NEGR1: variants seen among roughly 807,000 people sequenced by gnomAD.
NEGR1 encodes IgLON family member 4.
A neutral mutation model predicts 40.9 loss-of-function variants in NEGR1; 10 were observed. The observed-to-expected ratio is 0.24, with a 90% CI of 0.15 to 0.42. The LOEUF is 0.42. NEGR1 is among the 10% of genes least tolerant of loss of function. The pLI, the probability that NEGR1 is intolerant of heterozygous loss-of-function variation, is 1.00. For missense variants in NEGR1, 352 were observed against 438.9 expected, an observed-to-expected ratio of 0.80 and a Z score of 1.77; for synonymous variants, 185 against 166.8, an observed-to-expected ratio of 1.11 and a Z score of -0.84.
Position 71,542,557 on chromosome 1 carries a change from GC to G in NEGR1, c.940+50259del, listed in dbSNP as rs374298923. ...CCTCCTATTGAGAAGGAAAATGAGG[GC>G]CCAGCAGATACAGTGATATGCCCAA... On this transcript the variant is annotated intron_variant, in intron 6 of 6. Coordinates refer to ENST00000357731, the MANE Select transcript of NEGR1 (RefSeq NM_173808.3). Among the ~76,000 whole-genome samples the G allele has an allele frequency of 7.9e-5, 12 of 151,808 alleles. No individual in the cohort carries two copies. In the East Asian group the frequency reaches 2.4e-3, roughly 30 times the overall value.
intron 2 of NEGR1, among the ~76,000 whole-genome samples, chr1:71,927,743 G>C (rs1448074684): frequency 2.7e-5 from 4 of 147,802 alleles, no homozygotes; most frequent in Non-Finnish European, 5.9e-5. Flanking sequence ...ACTTTGGGAG[G>C]CTGGCCGAGG....
At chr1:71,568,851 T>TGTGTGTGTGTGC (rs1648716424) in intron 6 of NEGR1, among the ~76,000 whole-genome samples, 1 of 151,536 alleles carries the variant, frequency 6.6e-6, no homozygotes, top group Admixed American at 6.6e-5. Flanking sequence ...TGTGTGTGTG[T>TGTGTGTGTGTGC]GTGTGTGTGT....
intron 6 of NEGR1, among the ~76,000 whole-genome samples, chr1:71,458,625 T>TA (rs1461847445): frequency 1.3e-5 from 2 of 152,208 alleles, no homozygotes; most frequent in East Asian, 3.9e-4. Flanking sequence ...CCATCTCTAT[T>TA]AACTTTGTGA....
intron 4 of NEGR1, among the ~76,000 whole-genome samples, chr1:71,612,238 A>G (rs369905363): frequency 2.6e-5 from 4 of 152,184 alleles, no homozygotes; most frequent in East Asian, 3.9e-4. Context: ...AAACAAAACA[A>G]AAAAGAAATG....
chr1:71,574,374 G>C (rs1184633985), intron 6 of NEGR1, among the ~76,000 whole-genome samples: 7 of 152,182 alleles, frequency 4.6e-5, no homozygotes, highest in Non-Finnish European at 8.8e-5. Context: ...ACATTAGCTT[G>C]TAAGTAGGGT....
chr1:71,445,767 T>C (rs989561356), intron 6 of NEGR1, among the ~76,000 whole-genome samples: 3 of 152,214 alleles, frequency 2.0e-5, no homozygotes, highest in African/African-American at 7.2e-5. Flanking sequence ...GGAACCTGCA[T>C]GGGAGAAGGC....
At chr1:71,541,086 C>T (rs1647690223) in intron 6 of NEGR1, among the ~76,000 whole-genome samples, 3 of 151,650 alleles carry the variant, frequency 2.0e-5, no homozygotes, top group African/African-American at 7.3e-5. Context: ...CTGGGAATTA[C>T]AATTCAACAT....
chr1:71,643,896 C>A (rs1433269533), intron 4 of NEGR1, among the ~76,000 whole-genome samples: 2 of 151,840 alleles, frequency 1.3e-5, no homozygotes, highest in Non-Finnish European at 2.9e-5. Flanking sequence ...TTTAAATGAA[C>A]AATAAACAAT....
intron 1 of NEGR1, among the ~76,000 whole-genome samples, chr1:72,220,817 G>A (rs531596981): frequency 5.9e-4 from 89 of 150,504 alleles, no homozygotes; most frequent in Non-Finnish European, 1.1e-3. Context: ...TAAAACTAAA[G>A]AATAAGCTTA....
At chr1:71,678,871 G>T (rs544695545) in intron 4 of NEGR1, among the ~76,000 whole-genome samples, 1 of 152,170 alleles carries the variant, frequency 6.6e-6, no homozygotes, top group Non-Finnish European at 1.5e-5. Flanking sequence ...GCAAGGAAAG[G>T]GGAGTTTCAA....
At chr1:71,630,402 T>G (rs1333463737) in intron 4 of NEGR1, among the ~76,000 whole-genome samples, 1 of 151,936 alleles carries the variant, frequency 6.6e-6, no homozygotes, top group African/African-American at 2.4e-5. Flanking sequence ...GTGTCTTAAT[T>G]TGAATTCACC....
chr1:71,460,425 A>C (rs1388260141), intron 6 of NEGR1, among the ~76,000 whole-genome samples: 1 of 152,168 alleles, frequency 6.6e-6, no homozygotes, highest in Non-Finnish European at 1.5e-5. Context: ...CCCATCTTAC[A>C]TTTTGTACCC....
intron 1 of NEGR1, among the ~76,000 whole-genome samples, chr1:72,065,667 G>A (rs746711004): frequency 5.9e-5 from 9 of 152,064 alleles, no homozygotes; most frequent in Non-Finnish European, 1.2e-4. Context: ...TAAGTATGAA[G>A]TGTACCTTTA....
chr1:71,916,185 T>C (rs777968143), intron 2 of NEGR1, among the ~76,000 whole-genome samples: 31 of 152,216 alleles, frequency 2.0e-4, no homozygotes, highest in Admixed American at 1.4e-3. Context: ...TAAACTAGTA[T>C]CATTTATTTA....
intron 4 of NEGR1, among the ~76,000 whole-genome samples, chr1:71,679,193 CTTCTTT>C (rs1301938584): frequency 6.6e-6 from 1 of 152,076 alleles, no homozygotes; most frequent in Non-Finnish European, 1.5e-5. Context: ...TCTATCCATG[CTTCTTT>C]AGGAATGGAT....
At chr1:72,096,051 T>C (rs148016323) in intron 1 of NEGR1, among the ~76,000 whole-genome samples, 5 of 152,256 alleles carry the variant, frequency 3.3e-5, no homozygotes, top group Non-Finnish European at 4.4e-5. Context: ...TTACGAGGCC[T>C]CAAACCCAGT....
intron 1 of NEGR1, among the ~76,000 whole-genome samples, chr1:72,048,112 C>A (rs540765337): frequency 6.6e-6 from 1 of 151,684 alleles, no homozygotes; most frequent in African/African-American, 2.4e-5. Context: ...ACTTTTACCT[C>A]TAATTGTGCA....
At chr1:71,675,505 C>G (rs186673472) in intron 4 of NEGR1, among the ~76,000 whole-genome samples, 8 of 151,738 alleles carry the variant, frequency 5.3e-5, no homozygotes, top group Admixed American at 5.3e-4. Context: ...CTCTCACTCT[C>G]TCTCTCTCTT....
chr1:71,433,717 A>G (rs566892429), intron 6 of NEGR1, among the ~76,000 whole-genome samples: 1 of 152,318 alleles, frequency 6.6e-6, no homozygotes, highest in East Asian at 1.9e-4. Flanking sequence ...CTCCCACAAC[A>G]CATGGGAATT....
Sources: allele counts gnomAD v4.1 joint callset (sites outside exome capture counted in the v4.1 genomes callset), GRCh38; gene constraint gnomAD v4.1.1; transcripts MANE v1.5; gene names NCBI Gene and HGNC (gene_info 2026-07-23, HGNC 2026-07-21).